CCDC146: variants seen among roughly 807,000 people sequenced by gnomAD.
CCDC146 encodes the protein coiled-coil domain-containing protein 146.
CCDC146 carries 92 observed loss-of-function variants against 119.3 expected under a neutral mutation model. That is an observed-to-expected ratio of 0.77 (90% CI 0.65 to 0.92). The LOEUF is 0.92. Among genes scored for constraint, CCDC146 ranks in the 40% least tolerant of loss-of-function variants. CCDC146 has a pLI of 0.00. For missense variants in CCDC146, 1,000 were observed against 1,103.0 expected, an observed-to-expected ratio of 0.91 and a Z score of 1.32; for synonymous variants, 372 against 371.8, an observed-to-expected ratio of 1.00 and a Z score of -0.01.
intron 11 of CCDC146, among the ~76,000 whole-genome samples, chr7:77,276,950 T>C (rs1793658394): frequency 6.6e-6 from 1 of 152,168 alleles, no homozygotes; most frequent in African/African-American, 2.4e-5. Flanking sequence ...TGGGCACCTG[T>C]AATCCCGGCT....
rs1183573656 is a variant in CCDC146 at position 77,218,735 on chromosome 7, A to AT, written c.157-18203dup. Among the ~76,000 whole-genome samples, 251 of 149,470 alleles carry AT rather than the reference A, an allele frequency of 1.7e-3. 2 individuals are homozygous for AT. The highest frequency in any genetic ancestry group is 5.5e-3 in the African/African-American group (223 of 40,560). Reference sequence around the variant, plus strand: ...TATGTCAGCCTTCTAAATAACTGCCATTTTTTTTTATTTTTTGTAGAGATG... The same window carrying AT: ...TATGTCAGCCTTCTAAATAACTGCCATTTTTTTTTTATTTTTTGTAGAGATG... On this transcript the variant is annotated intron_variant, in intron 2 of 18. Transcript: ENST00000285871.
chr7:77,247,594 A>C (rs1450783921), intron 4 of CCDC146, among the ~76,000 whole-genome samples: 1 of 152,240 alleles, frequency 6.6e-6, no homozygotes. Context: ...CATTATTGCA[A>C]ATAAAATGTC....
intron 2 of CCDC146, among the ~76,000 whole-genome samples, chr7:77,200,114 T>G (rs1449189526): frequency 2.0e-5 from 3 of 152,266 alleles, no homozygotes; most frequent in African/African-American, 7.2e-5. Flanking sequence ...ATACTTACGC[T>G]TGAAGTAAAT....
intron 2 of CCDC146, among the ~76,000 whole-genome samples, chr7:77,191,100 A>G (rs1032116509): frequency 2.6e-5 from 4 of 152,108 alleles, no homozygotes; most frequent in African/African-American, 9.7e-5. Flanking sequence ...AACATCATGG[A>G]TAGGTTCTTG....
chr7:77,191,663 C>T (rs533858551), intron 2 of CCDC146, among the ~76,000 whole-genome samples: 9 of 152,160 alleles, frequency 5.9e-5, no homozygotes, highest in African/African-American at 2.2e-4. Context: ...AATCCCAGCA[C>T]TTTGGGAGGC....
chr7:77,167,927 T>A, intron 2 of CCDC146, 103 bp downstream of exon 2: 2 of 1,417,814 alleles, frequency 1.4e-6, no homozygotes, highest in Non-Finnish European at 9.5e-7. Context: ...ATTACATATA[T>A]CCTGTAGGTG....
chr7:77,134,991 A>C (rs1562811691), intron 1 of CCDC146, among the ~76,000 whole-genome samples: 1 of 152,248 alleles, frequency 6.6e-6, no homozygotes, highest in African/African-American at 2.4e-5. Context: ...TTTGAACTGC[A>C]TAGTGGTAGA....
chr7:77,273,261 G>T (rs1793560371), intron 9 of CCDC146, among the ~76,000 whole-genome samples: 1 of 152,114 alleles, frequency 6.6e-6, no homozygotes, highest in Non-Finnish European at 1.5e-5. Flanking sequence ...GTATACACAG[G>T]CATTTAGAAC....
At chr7:77,240,906 C>G (rs1404901503) in intron 3 of CCDC146, among the ~76,000 whole-genome samples, 1 of 151,838 alleles carries the variant, frequency 6.6e-6, no homozygotes, top group Admixed American at 6.6e-5. Flanking sequence ...GCCCTCATCT[C>G]TCCTTGATCT....
At chr7:77,256,078 A>C (rs1055146265) in intron 5 of CCDC146, among the ~76,000 whole-genome samples, 1 of 149,698 alleles carries the variant, frequency 6.7e-6, no homozygotes, top group South Asian at 2.1e-4. Flanking sequence ...AGAAAAGAGC[A>C]CTAATAAAAT....
chr7:77,247,767 A>G (rs780403001), intron 4 of CCDC146, among the ~76,000 whole-genome samples: 36 of 152,218 alleles, frequency 2.4e-4, no homozygotes, highest in Admixed American at 1.6e-3. Flanking sequence ...CAGAATAGCT[A>G]TTATTAAAAA....
At chr7:77,199,281 ATTTTC>A (rs749954047) in intron 2 of CCDC146, 14 of 1,613,982 alleles carry the variant, frequency 8.7e-6, no homozygotes, top group South Asian at 5.5e-5. Context: ...TGTCAACATA[ATTTTC>A]TATGTTGTTC....
chr7:77,180,135 GTATGTA>G (rs1562824349), intron 2 of CCDC146, among the ~76,000 whole-genome samples: 35 of 141,358 alleles, frequency 2.5e-4, no homozygotes, highest in African/African-American at 9.6e-4. Context: ...GCACCCATAT[GTATGTA>G]CCATATATAT....
At chr7:77,216,140 T>G (rs903682735) in intron 2 of CCDC146, among the ~76,000 whole-genome samples, 6 of 152,140 alleles carry the variant, frequency 3.9e-5, no homozygotes, top group African/African-American at 1.4e-4. Context: ...TAATGGTGAT[T>G]TTTATATTCA....
At chr7:77,209,788 G>A (rs1792148040) in intron 2 of CCDC146, among the ~76,000 whole-genome samples, 1 of 152,166 alleles carries the variant, frequency 6.6e-6, no homozygotes, top group Admixed American at 6.5e-5. Flanking sequence ...ACACCACATG[G>A]AAGCCATCAA....
At chr7:77,148,859 G>A (rs1290961007) in intron 1 of CCDC146, among the ~76,000 whole-genome samples, 3 of 152,002 alleles carry the variant, frequency 2.0e-5, no homozygotes, top group Non-Finnish European at 2.9e-5. Context: ...AACATTCCAT[G>A]CTCATGGATA....
intron 2 of CCDC146, among the ~76,000 whole-genome samples, chr7:77,168,112 A>G (rs1333393468): frequency 6.6e-6 from 1 of 152,192 alleles, no homozygotes; most frequent in Non-Finnish European, 1.5e-5. Flanking sequence ...TGAAATAAAG[A>G]AGATTTCTTT....
At chr7:77,185,709 A>G (rs936927883) in intron 2 of CCDC146, among the ~76,000 whole-genome samples, 1 of 152,234 alleles carries the variant, frequency 6.6e-6, no homozygotes, top group Non-Finnish European at 1.5e-5. Context: ...CACAAGCGTC[A>G]AGACCATCCA....
intron 2 of CCDC146, among the ~76,000 whole-genome samples, chr7:77,221,688 A>T (rs114243740): frequency 3.1e-4 from 47 of 152,288 alleles, no homozygotes; most frequent in African/African-American, 1.1e-3. Context: ...CGCACTTCCC[A>T]TCTGATGGAC....
Sources: allele counts gnomAD v4.1 joint callset (sites outside exome capture counted in the v4.1 genomes callset), GRCh38; gene constraint gnomAD v4.1.1; transcripts MANE v1.5; gene names NCBI Gene and HGNC (gene_info 2026-07-23, HGNC 2026-07-21).